IPMK: variants seen among roughly 807,000 people sequenced by gnomAD.
IPMK encodes the protein inositol 1,3,4,6-tetrakisphosphate 5-kinase.
A neutral mutation model predicts 45.8 loss-of-function variants in IPMK; 17 were observed. The observed-to-expected ratio is 0.37, with a 90% confidence interval of 0.25 to 0.56. IPMK has a LOEUF of 0.56. Ranked by LOEUF, IPMK falls within the 20% of genes least tolerant of loss-of-function variation. The pLI is 0.79. For missense variants in IPMK, 399 were observed against 498.0 expected, an observed-to-expected ratio of 0.80 and a Z score of 1.89; for synonymous variants, 180 against 184.3, an observed-to-expected ratio of 0.98 and a Z score of 0.19.
chr10:58,246,765 C>T lies in IPMK; in HGVS notation c.191-8951G>A, dbSNP rs577489715. Among the ~76,000 whole-genome samples, 224 of 152,132 alleles carry T rather than the reference C, an allele frequency of 1.5e-3. 1 individual carries two copies. The highest frequency in any genetic ancestry group is 3.4e-3 in the Middle Eastern group (1 of 294). ...ATGGGCAAGGACTTCATGTCTAAAA[C>T]ACTAAAAGCAATGGCAACAAAAGCC... On this transcript the variant is annotated intron_variant, in intron 1 of 5. Coordinates refer to ENST00000373935, the MANE Select transcript of IPMK (RefSeq NM_152230.5).
At position 58,243,235 on chromosome 10, in the gene IPMK, T is replaced by TA. The variant is rs201266286; in HGVS notation, c.191-5422dup. Among the ~76,000 whole-genome samples the TA allele has an allele frequency of 7.7e-4, 116 of 150,738 alleles. 1 individual carries two copies. In the East Asian group the frequency reaches 0.012, roughly 15 times the overall value. On this transcript the variant is annotated intron_variant, in intron 1 of 5. Coordinates refer to ENST00000373935, the MANE Select transcript of IPMK (RefSeq NM_152230.5). ...CTATGTCCATTGACAAATGAAAGGG[T>TA]AAAAAAAAAGGGGTATAGGCATACA...
intron 1 of IPMK, among the ~76,000 whole-genome samples, chr10:58,261,809 T>C (rs1169185712): frequency 6.6e-6 from 1 of 152,178 alleles, no homozygotes; most frequent in Non-Finnish European, 1.5e-5. Context: ...CTCAACCTCC[T>C]GGCCTTGGCC....
intron 1 of IPMK, among the ~76,000 whole-genome samples, chr10:58,249,020 T>C (rs183589126): frequency 1.1e-4 from 16 of 152,342 alleles, no homozygotes; most frequent in East Asian, 1.9e-4. Flanking sequence ...CTCTTCAACA[T>C]ACTGATTTCT....
rs560813021 is a variant in IPMK at position 58,259,671 on chromosome 10, T to TA, written c.190+7750dup. 9.5e-3 allele frequency among the ~76,000 whole-genome samples: 821 copies of TA among 86,710 alleles called. 33 individuals carry two copies. Among genetic ancestry groups the TA allele is most frequent in the Admixed American group, 0.025 (206 of 8,354 alleles). 56.9% of individuals were successfully genotyped at this position (86,710 alleles called of 152,430 possible). On this transcript the variant is annotated intron_variant, in intron 1 of 5. Coordinates refer to ENST00000373935, the MANE Select transcript of IPMK (RefSeq NM_152230.5). ...AGCATGGTAAAATCCCATCTCTACA[T>TA]AAAAAAAAAAAAAAAACAATTAGCC...
intron 5 of IPMK, among the ~76,000 whole-genome samples, chr10:58,197,064 G>A (rs1010217649): frequency 6.6e-6 from 1 of 152,064 alleles, no homozygotes; most frequent in Non-Finnish European, 1.5e-5. Context: ...ACTTTGGGAG[G>A]CCAAGGCGGG....
chr10:58,245,211 G>A (rs1838778847), intron 1 of IPMK, among the ~76,000 whole-genome samples: 1 of 152,070 alleles, frequency 6.6e-6, no homozygotes, highest in Non-Finnish European at 1.5e-5. Context: ...TACACTTATA[G>A]GAGATATTTA....
chr10:58,243,441 C>T (rs897257361), intron 1 of IPMK, among the ~76,000 whole-genome samples: 1 of 152,256 alleles, frequency 6.6e-6, no homozygotes, highest in African/African-American at 2.4e-5. Context: ...ATGATATCAG[C>T]TTGCTGCAAC....
rs1473233740 is a variant in IPMK at position 58,195,665 on chromosome 10, C to A, written c.*411G>T. 6.0e-6 allele frequency: 1 copy of A among 165,760 alleles called. No individual in the cohort carries two copies. The highest frequency in any genetic ancestry group is 1.3e-5 in the Non-Finnish European group (1 of 76,604). The allele number at this position is 165,760 out of a possible 1,614,324, so 10.3% of individuals were successfully genotyped here. A position where few individuals can be genotyped will look rare whatever the true frequency, so the allele number is the denominator to read the frequency against. Reference sequence around the variant, plus strand: ...GCAATACTAAGGACATCAACCTGTGCTTTCGAGATTTTGGTAGGTGTTCTA... The same window carrying A: ...GCAATACTAAGGACATCAACCTGTGATTTCGAGATTTTGGTAGGTGTTCTA... On this transcript the variant is annotated 3_prime_UTR_variant, in exon 6 of 6. Coordinates refer to ENST00000373935, the MANE Select transcript of IPMK (RefSeq NM_152230.5).
In IPMK at chr10:58,196,164, T is replaced by C. The variant is rs754683419; in HGVS notation, c.1163A>G (p.His388Arg). 6.2e-7 allele frequency: 1 copy of C among 1,613,922 alleles called. No homozygotes were observed. The highest frequency in any genetic ancestry group is 8.5e-7 in the Non-Finnish European group (1 of 1,179,950). Residue 388 changes from histidine to arginine, a missense_variant, in exon 6 of 6, where the codon CAT (histidine) becomes CGT (arginine). By Grantham distance (29) the His-to-Arg change is conservative. This residue lies in a region of IPMK where 288 missense variants were observed against 398.0 expected (regional missense o/e 0.72). Coordinates refer to ENST00000373935, the MANE Select transcript of IPMK (RefSeq NM_152230.5). Reference protein sequence around the residue: ...EVEVRMIDFAHVFPSNTIDEG... With the variant: ...EVEVRMIDFARVFPSNTIDEG... ...ATCTATTGTGTTGCTAGGGAACACA[T>C]GAGCAAAATCTATCATTCGCACTTC...
Position 58,217,688 on chromosome 10 carries a change from C to CAAAAAAAAAAAAAAAAA in IPMK, c.374-1388_374-1372dup, listed in dbSNP as rs11393849. Reference sequence around the variant, plus strand: ...GGGCAACAAGAGCAAAACTCCATCTCAAAAAAAAAAAAAAAAAAAAAGAAT... The same window carrying CAAAAAAAAAAAAAAAAA: ...GGGCAACAAGAGCAAAACTCCATCTCAAAAAAAAAAAAAAAAAAAAAAAAAAAAAAAAAAAAAAGAAT... On this transcript the variant is annotated intron_variant, in intron 3 of 5. Coordinates refer to ENST00000373935, the MANE Select transcript of IPMK (RefSeq NM_152230.5). Among the ~76,000 whole-genome samples the CAAAAAAAAAAAAAAAAA allele has an allele frequency of 7.1e-4, 35 of 49,232 alleles. 2 individuals carry two copies. Among genetic ancestry groups the CAAAAAAAAAAAAAAAAA allele is most frequent in the Non-Finnish European group, 8.9e-4 (25 of 28,084 alleles). The allele number at this position is 49,232 out of a possible 152,430, so 32.3% of individuals were successfully genotyped here.
rs548117080 is a variant in IPMK at position 58,245,798 on chromosome 10, G to A, written c.191-7984C>T. ...TATTCAACATAGTGTTGAAAGTTCT[G>A]GCCAGGGCAATGAGGCAGGAGAAGG... On this transcript the variant is annotated intron_variant, in intron 1 of 5. Coordinates refer to ENST00000373935, the MANE Select transcript of IPMK (RefSeq NM_152230.5). Among the ~76,000 whole-genome samples the A allele has an allele frequency of 3.2e-4, 47 of 148,980 alleles. 1 individual carries two copies. The highest frequency in any genetic ancestry group is 1.1e-3 in the African/African-American group (45 of 39,232).
At chr10:58,258,478 T>C (rs904162934) in intron 1 of IPMK, among the ~76,000 whole-genome samples, 5 of 152,142 alleles carry the variant, frequency 3.3e-5, no homozygotes, top group Non-Finnish European at 5.9e-5. Context: ...TGCTGGACCA[T>C]AAAACAAGTC....
chr10:58,230,364 AC>A (rs1288833908), intron 2 of IPMK, among the ~76,000 whole-genome samples: 2 of 152,050 alleles, frequency 1.3e-5, no homozygotes, highest in Non-Finnish European at 2.9e-5. Context: ...TGGGTCCCTG[AC>A]CCCCGTGTAG....
chr10:58,196,081 T>C lies in IPMK; in HGVS notation c.1246A>G (p.Asn416Asp). 1 of 1,609,534 alleles carries C rather than the reference T, an allele frequency of 6.2e-7. No individual in the cohort carries two copies. Among genetic ancestry groups the C allele is most frequent in the Non-Finnish European group, 8.5e-7 (1 of 1,176,846 alleles). Residue 416 changes from asparagine to aspartate, a missense_variant, in exon 6 of 6, where the codon AAT (asparagine) becomes GAT (aspartate). Asn to Asp is a conservative substitution (Grantham distance 23, BLOSUM62 1). This residue lies in a region of IPMK where 288 missense variants were observed against 398.0 expected (regional missense o/e 0.72). Transcript: ENST00000373935. ...AAAAGACTGCAACAGAGGATTCAAT[T>C]GTCTAAAATACTTCGAAGTACAGAA... ...LISVLRSILD[N>D]
At position 58,200,636 on chromosome 10, in the gene IPMK, T is replaced by C. The variant is rs188636562; in HGVS notation, c.547-1315A>G. 1.7e-3 allele frequency among the ~76,000 whole-genome samples: 263 copies of C among 152,320 alleles called. 1 individual carries two copies. The highest frequency in any genetic ancestry group is 6.0e-3 in the African/African-American group (248 of 41,580). ...CAATGGGAAAAGATTATTTATTAAATTGTGTTAGTCTGATTAAACAGTGAT... is the reference window on the plus strand; with the variant it reads ...CAATGGGAAAAGATTATTTATTAAACTGTGTTAGTCTGATTAAACAGTGAT... On this transcript the variant is annotated intron_variant, in intron 4 of 5. Coordinates refer to ENST00000373935, the MANE Select transcript of IPMK (RefSeq NM_152230.5).
intron 5 of IPMK, 57 bp from the exon 6 acceptor site, chr10:58,196,755 G>A: frequency 1.7e-6 from 2 of 1,181,206 alleles, no homozygotes; most frequent in South Asian, 3.2e-5. Context: ...TATTATTTGG[G>A]AAGTAAACTC....
chr10:58,211,903 A>AAAAAAAAAAAAAG (rs1838168207), intron 4 of IPMK, among the ~76,000 whole-genome samples: 1 of 141,702 alleles, frequency 7.1e-6, no homozygotes, highest in African/African-American at 2.7e-5. Context: ...CATCTCACCA[A>AAAAAAAAAAAAAG]AAAAAAAAAA....
At chr10:58,241,300 T>C (rs1000476702) in intron 1 of IPMK, among the ~76,000 whole-genome samples, 6 of 152,190 alleles carry the variant, frequency 3.9e-5, no homozygotes, top group African/African-American at 1.4e-4. Flanking sequence ...AGGATACCTC[T>C]GCAGCCTAGC....
At chr10:58,248,227 TA>T (rs1003038197) in intron 1 of IPMK, among the ~76,000 whole-genome samples, 84 of 148,826 alleles carry the variant, frequency 5.6e-4, no homozygotes, top group African/African-American at 1.5e-3. Context: ...ATAATGAATT[TA>T]AAAAAAAAAG....
Sources: allele counts gnomAD v4.1 joint callset (sites outside exome capture counted in the v4.1 genomes callset), GRCh38; gene constraint gnomAD v4.1.1; regional missense constraint gnomAD v4.1.1; transcripts MANE v1.5; gene names NCBI Gene and HGNC (gene_info 2026-07-23, HGNC 2026-07-21).